CHN1: variants seen among roughly 807,000 people sequenced by gnomAD.
CHN1 encodes the protein chimerin 1.
CHN1 carries 37 observed loss-of-function variants against 59.5 expected under a neutral mutation model. The observed-to-expected ratio is 0.62, with a 90% CI of 0.48 to 0.82. CHN1 has a LOEUF of 0.82. Among genes scored for constraint, CHN1 ranks in the 40% least tolerant of loss-of-function variants. The pLI, the probability that CHN1 is intolerant of heterozygous loss-of-function variation, is 0.00. For missense variants in CHN1, 469 were observed against 571.0 expected (o/e 0.82, Z 1.82); for synonymous variants, 206 against 200.4 (o/e 1.03, Z -0.24).
intron 3 of CHN1, among the ~76,000 whole-genome samples, chr2:174,919,184 G>A (rs1174139940): frequency 6.6e-6 from 1 of 152,162 alleles, no homozygotes; most frequent in Non-Finnish European, 1.5e-5. Flanking sequence ...TACTGTATAA[G>A]ACCAAAATTC....
intron 1 of CHN1, among the ~76,000 whole-genome samples, chr2:174,998,183 GTC>G (rs1691772071): frequency 6.6e-6 from 1 of 150,652 alleles, no homozygotes; most frequent in Non-Finnish European, 1.5e-5. Context: ...CATGCCTATG[GTC>G]CCAGCTACTC....
chr2:174,917,289 C>T (rs981009449), intron 4 of CHN1, among the ~76,000 whole-genome samples: 1 of 151,938 alleles, frequency 6.6e-6, no homozygotes, highest in African/African-American at 2.4e-5. Context: ...AAAAAATTAA[C>T]GAGGCATAGT....
intron 5 of CHN1, among the ~76,000 whole-genome samples, chr2:174,878,495 C>G (rs1687642396): frequency 1.3e-5 from 2 of 152,172 alleles, no homozygotes; most frequent in South Asian, 4.1e-4. Context: ...GATGACATTT[C>G]TATACTAACA....
At chr2:174,906,269 T>C (rs923485005) in intron 5 of CHN1, among the ~76,000 whole-genome samples, 1 of 152,202 alleles carries the variant, frequency 6.6e-6, no homozygotes, top group African/African-American at 2.4e-5. Flanking sequence ...TCTAATATTA[T>C]TCATTAGTAA....
chr2:174,872,774 A>G (rs1687449671), intron 6 of CHN1, among the ~76,000 whole-genome samples: 1 of 152,198 alleles, frequency 6.6e-6, no homozygotes, highest in Non-Finnish European at 1.5e-5. Context: ...TGCTATTCCT[A>G]GCAAAAGCTA....
intron 1 of CHN1, among the ~76,000 whole-genome samples, chr2:174,980,724 AT>A (rs571437160): frequency 4.5e-4 from 69 of 152,258 alleles, no homozygotes; most frequent in African/African-American, 1.3e-3. Flanking sequence ...CATGAGATAC[AT>A]TTTTTTAAAT....
At chr2:174,910,537 A>G (rs1688664361) in intron 5 of CHN1, among the ~76,000 whole-genome samples, 2 of 152,204 alleles carry the variant, frequency 1.3e-5, no homozygotes, top group Admixed American at 1.3e-4. Context: ...TTAAGGCAGG[A>G]AAAGTAAACA....
intron 2 of CHN1, among the ~76,000 whole-genome samples, chr2:174,949,323 T>C (rs1349520089): frequency 6.6e-6 from 1 of 152,206 alleles, no homozygotes; most frequent in Admixed American, 6.5e-5. Context: ...AGAATGCATT[T>C]ATTTATTTAA....
intron 5 of CHN1, among the ~76,000 whole-genome samples, chr2:174,903,976 G>C (rs1323172162): frequency 6.6e-6 from 1 of 152,084 alleles, no homozygotes; most frequent in Non-Finnish European, 1.5e-5. Context: ...TAAAAACTAA[G>C]AGTAGGCTGG....
chr2:174,804,719 C>T (rs1465973469), intron 11 of CHN1, among the ~76,000 whole-genome samples: 4 of 152,258 alleles, frequency 2.6e-5, no homozygotes, highest in East Asian at 1.9e-4. Flanking sequence ...TCAGCAGCAG[C>T]GAGGACGAGG....
chr2:174,933,296 A>G (rs1179802334), intron 3 of CHN1, among the ~76,000 whole-genome samples: 1 of 152,136 alleles, frequency 6.6e-6, no homozygotes, highest in Non-Finnish European at 1.5e-5. Context: ...TAGGTAGAGA[A>G]GAGAAGAGGA....
At chr2:174,885,494 ATAC>A (rs1687870186) in intron 5 of CHN1, among the ~76,000 whole-genome samples, 2 of 151,962 alleles carry the variant, frequency 1.3e-5, no homozygotes, top group Non-Finnish European at 2.9e-5. Context: ...AATAAGTGAT[ATAC>A]AATTTTTCTT....
intron 1 of CHN1, among the ~76,000 whole-genome samples, chr2:174,997,015 A>G (rs1166401235): frequency 6.6e-6 from 1 of 152,112 alleles, no homozygotes; most frequent in Admixed American, 6.5e-5. Context: ...TCTTCAAAGC[A>G]TTTGCCACCT....
At chr2:174,812,183 A>G in intron 9 of CHN1, 126 bp downstream of exon 9, 2 of 651,020 alleles carry the variant, frequency 3.1e-6, no homozygotes, top group East Asian at 2.9e-5. Context: ...ATCATTTGAC[A>G]TATGAAACCA....
chr2:174,899,556 T>G (rs1688323366), intron 5 of CHN1, among the ~76,000 whole-genome samples: 1 of 152,238 alleles, frequency 6.6e-6, no homozygotes. Context: ...ACCTTTTAAA[T>G]GGCTACACAA....
intron 5 of CHN1, among the ~76,000 whole-genome samples, chr2:174,901,252 C>T (rs545375790): frequency 2.0e-5 from 3 of 152,326 alleles, no homozygotes; most frequent in South Asian, 2.1e-4. Context: ...ACTGTGCTCC[C>T]GGCCACCCTC....
At chr2:174,946,178 C>T (rs542684539) in intron 2 of CHN1, among the ~76,000 whole-genome samples, 11 of 152,096 alleles carry the variant, frequency 7.2e-5, no homozygotes, top group Non-Finnish European at 1.5e-4. Flanking sequence ...TTGTACTTCA[C>T]AGATTACTTA....
intron 6 of CHN1, among the ~76,000 whole-genome samples, chr2:174,876,721 A>C (rs941230891): frequency 6.6e-6 from 1 of 152,214 alleles, no homozygotes; most frequent in Non-Finnish European, 1.5e-5. Flanking sequence ...AAATACTCTA[A>C]GGTAATGGGA....
At chr2:174,910,120 TCAA>T (rs1161744635) in intron 5 of CHN1, among the ~76,000 whole-genome samples, 1 of 152,242 alleles carries the variant, frequency 6.6e-6, no homozygotes, top group Non-Finnish European at 1.5e-5. Flanking sequence ...CTCTATTCTT[TCAA>T]TCTATACATT....
Sources: gnomAD v4.1 joint callset for allele counts (sites outside exome capture counted in the v4.1 genomes callset) on GRCh38, gnomAD v4.1.1 for gene constraint, MANE v1.5 for transcripts, NCBI Gene and HGNC (gene_info 2026-07-23, HGNC 2026-07-21) for gene names.